The following MAP2 variants were observed in gnomAD, a reference collection of about 807,000 sequenced individuals.
MAP2 encodes microtubule-associated protein 2.
In MAP2, 14 loss-of-function variants were observed where a neutral mutation model predicts 137.6. The observed-to-expected ratio is 0.10, with a 90% confidence interval of 0.07 to 0.16. MAP2 has a LOEUF of 0.16. Among genes scored for constraint, MAP2 ranks in the 10% least tolerant of loss-of-function variants. The pLI is 1.00. For missense variants in MAP2, 2,088 were observed against 2,191.5 expected (o/e 0.95, Z 0.94); for synonymous variants, 786 against 782.3 (o/e 1.00, Z -0.08).
chr2:209,521,425 T>C (rs1290200543), intron 2 of MAP2, among the ~76,000 whole-genome samples: 1 of 151,874 alleles, frequency 6.6e-6, no homozygotes, highest in Non-Finnish European at 1.5e-5. Context: ...CACCCCCTCT[T>C]TTGTCATTAC....
intron 2 of MAP2, among the ~76,000 whole-genome samples, chr2:209,553,857 G>C (rs190956612): frequency 1.3e-4 from 20 of 152,296 alleles, no homozygotes; most frequent in African/African-American, 4.8e-4. Context: ...GTCAAGGAGA[G>C]TGGGGAAAGA....
chr2:209,670,750 TCC>T (rs543800400), intron 5 of MAP2, among the ~76,000 whole-genome samples: 67 of 152,022 alleles, frequency 4.4e-4, no homozygotes, highest in African/African-American at 1.5e-3. Flanking sequence ...AATTTGTAAA[TCC>T]GTTTCAGAAG....
At chr2:209,557,299 A>G (rs934720914) in intron 2 of MAP2, among the ~76,000 whole-genome samples, 1 of 152,238 alleles carries the variant, frequency 6.6e-6, no homozygotes, top group Non-Finnish European at 1.5e-5. Flanking sequence ...ACTAAACTTT[A>G]GTCCAGTATG....
intron 1 of MAP2, among the ~76,000 whole-genome samples, chr2:209,441,710 T>C (rs1015581830): frequency 1.3e-5 from 2 of 151,560 alleles, no homozygotes; most frequent in Non-Finnish European, 3.0e-5. Context: ...AGGGAAGTGA[T>C]TTGCAAGGAA....
intron 2 of MAP2, 139 bp downstream of exon 2, chr2:209,507,780 G>A (rs553530530): frequency 3.3e-5 from 5 of 152,086 alleles, no homozygotes; most frequent in East Asian, 1.9e-4. Flanking sequence ...GATATATTTC[G>A]GAGTTGGCCT....
chr2:209,430,005 C>T (rs562848422), intron 1 of MAP2, among the ~76,000 whole-genome samples: 4 of 151,762 alleles, frequency 2.6e-5, no homozygotes, highest in Non-Finnish European at 5.9e-5. Context: ...TTTTCTCTTC[C>T]CTTAAGAGTC....
At chr2:209,524,277 T>C (rs556166806) in intron 2 of MAP2, among the ~76,000 whole-genome samples, 1 of 152,262 alleles carries the variant, frequency 6.6e-6, no homozygotes, top group East Asian at 1.9e-4. Context: ...ATTTTAGAAA[T>C]ATGATTTTTT....
chr2:209,540,604 C>T (rs2066796901), intron 2 of MAP2, among the ~76,000 whole-genome samples: 1 of 107,724 alleles, frequency 9.3e-6, no homozygotes, highest in Non-Finnish European at 1.7e-5. Flanking sequence ...GCACTCCAGC[C>T]TGCGTGACTG....
At chr2:209,572,680 G>C (rs1306569906) in intron 2 of MAP2, among the ~76,000 whole-genome samples, 2 of 152,078 alleles carry the variant, frequency 1.3e-5, no homozygotes, top group East Asian at 3.8e-4. Context: ...TTTTTCAGGA[G>C]AAATTTTGTT....
At chr2:209,709,434 A>G (rs530406717) in intron 12 of MAP2, among the ~76,000 whole-genome samples, 5 of 152,176 alleles carry the variant, frequency 3.3e-5, no homozygotes, top group South Asian at 2.1e-4. Flanking sequence ...GGCCAAAACT[A>G]TGTGTCCTAA....
intron 4 of MAP2, among the ~76,000 whole-genome samples, chr2:209,650,271 G>A (rs977544590): frequency 2.0e-5 from 3 of 152,188 alleles, no homozygotes; most frequent in Non-Finnish European, 4.4e-5. Flanking sequence ...TAAATACGGT[G>A]TTAGAAAAAG....
At chr2:209,631,047 A>AGC (rs2092992051) in intron 4 of MAP2, among the ~76,000 whole-genome samples, 1 of 136,166 alleles carries the variant, frequency 7.3e-6, no homozygotes, top group Non-Finnish European at 1.6e-5. Flanking sequence ...AGAGAGAGAG[A>AGC]GCGAGAATAG....
At chr2:209,472,321 G>A (rs1245417373) in intron 1 of MAP2, among the ~76,000 whole-genome samples, 1 of 152,128 alleles carries the variant, frequency 6.6e-6, no homozygotes, top group Non-Finnish European at 1.5e-5. Context: ...GGTTTATTAA[G>A]GAGAAAATGG....
intron 5 of MAP2, among the ~76,000 whole-genome samples, chr2:209,669,986 A>G (rs1479127812): frequency 6.6e-6 from 1 of 152,028 alleles, no homozygotes; most frequent in African/African-American, 2.4e-5. Flanking sequence ...GACTTAATGA[A>G]GAGAATATAA....
intron 2 of MAP2, among the ~76,000 whole-genome samples, chr2:209,539,385 C>T (rs1002441637): frequency 6.6e-6 from 1 of 152,126 alleles, no homozygotes; most frequent in Non-Finnish European, 1.5e-5. Flanking sequence ...ACTCTTTTGA[C>T]CTAATTTATG....
chr2:209,575,922 A>G (rs2075302858), intron 2 of MAP2, among the ~76,000 whole-genome samples: 1 of 152,176 alleles, frequency 6.6e-6, no homozygotes. Flanking sequence ...AACTTTCATT[A>G]TGGTAGTTAG....
At chr2:209,620,204 T>C (rs2090721218) in intron 3 of MAP2, among the ~76,000 whole-genome samples, 1 of 152,202 alleles carries the variant, frequency 6.6e-6, no homozygotes, top group Non-Finnish European at 1.5e-5. Flanking sequence ...TTGTATACTA[T>C]TTTTACTGCC....
rs141587535 is a variant in MAP2, at chr2:209,500,528, C to A, written c.-221-7064C>A. Among the ~76,000 whole-genome samples the A allele has an allele frequency of 1.4e-3, 211 of 152,228 alleles. 7 individuals carry two copies. In the East Asian group the frequency reaches 0.034, roughly 25 times the overall value. On this transcript the variant is annotated intron_variant, in intron 1 of 15. Coordinates refer to ENST00000682079, the MANE Select transcript of MAP2 (RefSeq NM_001375505.1). The stretch of plus-strand genomic sequence containing the variant: ...CCTCTGTGAATCTTTATCTTCATAA[C>A]AGGATTTTTCTCCCCTTCACTGATC...
At chr2:209,647,125 A>G (rs894412837) in intron 4 of MAP2, among the ~76,000 whole-genome samples, 1 of 152,066 alleles carries the variant, frequency 6.6e-6, no homozygotes, top group Admixed American at 6.5e-5. Context: ...GGAGCCACAC[A>G]CTTTTAAACA....
Sources: allele counts gnomAD v4.1 joint callset (sites outside exome capture counted in the v4.1 genomes callset), GRCh38; gene constraint gnomAD v4.1.1; transcripts MANE v1.5; gene names NCBI Gene and HGNC (gene_info 2026-07-23, HGNC 2026-07-21).